Variants in RBM19 observed in about 807,000 individuals in gnomAD.
RBM19 encodes probable RNA-binding protein 19.
A neutral mutation model predicts 116.8 loss-of-function variants in RBM19; 94 were observed. The ratio of observed to expected loss-of-function variants is 0.80; its 90% CI spans 0.68 to 0.95. RBM19 has a LOEUF of 0.95. Among genes scored for constraint, RBM19 ranks in the 40% least tolerant of loss-of-function variants. The pLI is 0.00. For synonymous variants in RBM19, 475 were observed against 494.1 expected, an observed-to-expected ratio of 0.96 and a Z score of 0.51; for missense variants, 1,161 against 1,220.7, an observed-to-expected ratio of 0.95 and a Z score of 0.73.
In RBM19 at chr12:113,958,911, C is replaced by T. The variant is rs561991654; in HGVS notation, c.571+301G>A. On this transcript the variant is annotated intron_variant, in intron 5 of 23. Coordinates refer to ENST00000261741, the MANE Select transcript of RBM19 (RefSeq NM_016196.4). Reference sequence around the variant, plus strand: ...ATTTGCTTATTGTTTCTCTCCACAACCATAATCACAGCTCCATAGGGGAAT... The same window carrying T: ...ATTTGCTTATTGTTTCTCTCCACAATCATAATCACAGCTCCATAGGGGAAT... 1.1e-4 allele frequency among the ~76,000 whole-genome samples: 16 copies of T among 152,348 alleles called. No individual in the cohort carries two copies. The South Asian group carries it at 3.3e-3, about 32-fold the overall frequency.
intron 22 of RBM19, among the ~76,000 whole-genome samples, chr12:113,847,860 C>T (rs547402643): frequency 6.6e-6 from 1 of 152,198 alleles, no homozygotes; most frequent in Non-Finnish European, 1.5e-5. Context: ...CCTCTTTTGG[C>T]TTCTTTGCGA....
chr12:113,837,079 CTACATACATACATACA>C lies in RBM19; in HGVS notation c.2785+7573_2785+7588del, dbSNP rs59581128. On this transcript the variant is annotated intron_variant, in intron 23 of 23. Transcript: ENST00000261741. ...TCAGGCATACCTATCCCCCTACTTA[CTACATACATACATACA>C]TACATACATACATACACACACACGT... Among the ~76,000 whole-genome samples, 904 of 136,296 alleles carry C rather than the reference CTACATACATACATACA, an allele frequency of 6.6e-3. 19 individuals carry two copies. The highest frequency in any genetic ancestry group is 0.025 in the African/African-American group (874 of 34,708). The allele number at this position is 136,296 out of a possible 152,430, so 89.4% of individuals were successfully genotyped here.
At chr12:113,918,270 A>G in intron 20 of RBM19, 122 bp downstream of exon 20, 1 of 972,972 alleles carries the variant, frequency 1.0e-6, no homozygotes, top group Non-Finnish European at 1.6e-6. Context: ...GAAGAGTCCT[A>G]AATGGTAAAG....
At chr12:113,859,606 C>G (rs552061316) in intron 21 of RBM19, among the ~76,000 whole-genome samples, 4 of 152,232 alleles carry the variant, frequency 2.6e-5, no homozygotes, top group Non-Finnish European at 4.4e-5. Flanking sequence ...CCATCCCCCC[C>G]GGTTCCCTTC....
At chr12:113,818,634 T>C (rs1874212327), downstream of RBM19, among the ~76,000 whole-genome samples, 1 of 152,242 alleles carries the variant, frequency 6.6e-6, no homozygotes, top group Non-Finnish European at 1.5e-5. Context: ...TACTTTCCAT[T>C]CATGACCTTC....
chr12:113,837,894 C>T (rs1876108455), intron 23 of RBM19, among the ~76,000 whole-genome samples: 1 of 152,210 alleles, frequency 6.6e-6, no homozygotes, highest in Admixed American at 6.5e-5. Context: ...CTCAATGTTA[C>T]CACAGGCATT....
chr12:113,831,829 G>C (rs1875442522), intron 23 of RBM19, among the ~76,000 whole-genome samples: 1 of 152,346 alleles, frequency 6.6e-6, no homozygotes, highest in Non-Finnish European at 1.5e-5. Flanking sequence ...CTCAGGCGTG[G>C]GGAGTGGAAG....
chr12:113,895,991 T>C (rs973705932), intron 21 of RBM19, among the ~76,000 whole-genome samples: 10 of 152,132 alleles, frequency 6.6e-5, no homozygotes, highest in South Asian at 6.2e-4. Flanking sequence ...TCTATAGATA[T>C]ATATGTAGAG....
At chr12:113,899,927 G>A (rs1881575915) in intron 21 of RBM19, among the ~76,000 whole-genome samples, 1 of 152,162 alleles carries the variant, frequency 6.6e-6, no homozygotes, top group Non-Finnish European at 1.5e-5. Context: ...AAAAGGCTCT[G>A]AATGCAGACA....
intron 23 of RBM19, among the ~76,000 whole-genome samples, chr12:113,832,684 G>C (rs942653743): frequency 1.3e-5 from 2 of 152,154 alleles, no homozygotes; most frequent in East Asian, 3.9e-4. Context: ...AAAGCAAGAA[G>C]GACCCAGGTG....
chr12:113,820,627 C>T (rs763313747), downstream of RBM19, among the ~76,000 whole-genome samples: 15 of 152,196 alleles, frequency 9.9e-5, no homozygotes, highest in East Asian at 5.8e-4. Context: ...ACAGCTGAGC[C>T]GGAAGAGAGG....
rs550401493 is a variant in RBM19, at chr12:113,900,132, A to C, written c.2558+14837T>G. On this transcript the variant is annotated intron_variant, in intron 21 of 23. Transcript: ENST00000261741. ...TGCAGTGAGGGAAAACGCCAGCTGCAGCGGAAGCCCGAGCCTGCGAAATCT... is the reference window on the plus strand; with the variant it reads ...TGCAGTGAGGGAAAACGCCAGCTGCCGCGGAAGCCCGAGCCTGCGAAATCT... Among the ~76,000 whole-genome samples the C allele has an allele frequency of 1.9e-4, 29 of 152,346 alleles. 1 individual carries two copies. In the South Asian group the frequency reaches 6.0e-3, roughly 32 times the overall value.
At chr12:113,923,881 A>G (rs1868816204) in intron 18 of RBM19, among the ~76,000 whole-genome samples, 1 of 152,130 alleles carries the variant, frequency 6.6e-6, no homozygotes, top group African/African-American at 2.4e-5. Context: ...TATAACTAAC[A>G]CCGTGCCTGC....
Position 113,942,382 on chromosome 12 carries a change from A to G in RBM19, c.1679T>C (p.Val560Ala), listed in dbSNP as rs1289836759. 12 of 1,609,258 alleles carry G rather than the reference A, an allele frequency of 7.5e-6. No homozygotes were observed. Among genetic ancestry groups the G allele is most frequent in the Non-Finnish European group, 1.0e-5 (12 of 1,179,912 alleles). ...VRVALGETQL[V>A]QEVRRFLIDN... The stretch of plus-strand genomic sequence containing the variant: ...TATGAGAAAACGCCGCACTTCCTGG[A>G]CGAGCTGGGTTTCCCCCAGAGCCAC... The change falls in exon 14 of 24, where the codon GTC becomes GCC. Residue 560 changes from valine to alanine, a missense_variant. By Grantham distance (64) the Val-to-Ala change is moderately conservative. Transcript: ENST00000261741.
intron 21 of RBM19, among the ~76,000 whole-genome samples, chr12:113,899,625 C>T (rs916908117): frequency 1.3e-5 from 2 of 152,210 alleles, no homozygotes; most frequent in Admixed American, 1.3e-4. Flanking sequence ...AACCTAGCAC[C>T]TGGCGCAGTC....
chr12:113,964,784 G>A (rs1395714147), intron 1 of RBM19, among the ~76,000 whole-genome samples: 1 of 152,110 alleles, frequency 6.6e-6, no homozygotes, highest in African/African-American at 2.4e-5. Flanking sequence ...ATACATGTGA[G>A]GAGTCCCAAA....
intron 10 of RBM19, among the ~76,000 whole-genome samples, chr12:113,947,758 T>C (rs1022095981): frequency 1.3e-5 from 2 of 152,216 alleles, no homozygotes; most frequent in Non-Finnish European, 2.9e-5. Flanking sequence ...CATGCGTGCA[T>C]AGTGCACTAA....
chr12:113,923,353 T>C (rs1266927087), intron 18 of RBM19, among the ~76,000 whole-genome samples: 2 of 152,100 alleles, frequency 1.3e-5, no homozygotes, highest in African/African-American at 4.8e-5. Flanking sequence ...CCAAATCAAC[T>C]GGCACCTTGA....
In RBM19 at chr12:113,960,054, C is replaced by T. The variant is rs1203104491; in HGVS notation, c.339+5G>A. On this transcript the variant is annotated splice_donor_5th_base_variant and intron_variant, in intron 3 of 23. Transcript: ENST00000261741. ...GGACAGAGGCTAGAGTGACCCTTTA[C>T]ATACTTTCTTAATTTCTGGAGTAGT... 3 of 1,614,112 alleles carry T rather than the reference C, an allele frequency of 1.9e-6. No individual in the cohort carries two copies. The highest frequency in any genetic ancestry group is 2.5e-6 in the Non-Finnish European group (3 of 1,180,048).
Sources: allele counts gnomAD v4.1 joint callset (sites outside exome capture counted in the v4.1 genomes callset), GRCh38; gene constraint gnomAD v4.1.1; transcripts MANE v1.5; gene names NCBI Gene and HGNC (gene_info 2026-07-23, HGNC 2026-07-21).